The following DYTN variants were observed in gnomAD, a reference collection of about 807,000 sequenced individuals.
DYTN encodes dystrotelin.
Under a neutral mutation model 69.6 loss-of-function variants are expected in DYTN, and 75 were observed. The ratio of observed to expected loss-of-function variants is 1.08; its 90% CI spans 0.89 to 1.31. The LOEUF (loss-of-function observed/expected upper bound fraction) is 1.31, where lower values mean the gene tolerates loss of function less well. Among genes scored for constraint, DYTN ranks in the 50% most tolerant of loss-of-function variants. DYTN has a pLI of 0.00. For synonymous variants in DYTN, 252 were observed against 249.1 expected, an observed-to-expected ratio of 1.01 and a Z score of -0.11; for missense variants, 726 against 688.4, an observed-to-expected ratio of 1.05 and a Z score of -0.61.
At chr2:206,699,198 C>T (rs115656503) in intron 7 of DYTN, among the ~76,000 whole-genome samples, 3 of 152,154 alleles carry the variant, frequency 2.0e-5, no homozygotes, top group Non-Finnish European at 4.4e-5. Flanking sequence ...CTTTGGGAGG[C>T]TGAGGCAGGA....
At chr2:206,652,322 G>C (rs1175428253) in intron 11 of DYTN, among the ~76,000 whole-genome samples, 2 of 152,142 alleles carry the variant, frequency 1.3e-5, no homozygotes, top group African/African-American at 4.8e-5. Context: ...TAAGTTCCCA[G>C]GTGATACTGA....
chr2:206,705,788 C>T lies in DYTN; in HGVS notation c.382G>A (p.Ala128Thr). Residue 128 changes from alanine (A) to threonine (T), a missense_variant and splice_region_variant, in exon 4 of 12, where the codon GCT becomes ACT. Physicochemically the swap from Ala to Thr is moderately conservative, Grantham distance 58. Transcript: ENST00000452335. The stretch of plus-strand genomic sequence containing the variant: ...ACACCCGCAGTCCTCTGCATGTTAC[C>T]TCGGTATTTTGAAAGAGGGCTGTCT... ...SGDSPLSKYR[A>T]LFQLYAENSR... 6.2e-7 allele frequency: 1 copy of T among 1,613,582 alleles called. No individual in the cohort carries two copies. Among genetic ancestry groups the T allele is most frequent in the Non-Finnish European group, 8.5e-7 (1 of 1,179,778 alleles).
At chr2:206,695,759 G>T (rs1699913222) in intron 7 of DYTN, among the ~76,000 whole-genome samples, 1 of 152,174 alleles carries the variant, frequency 6.6e-6, no homozygotes, top group Admixed American at 6.5e-5. Context: ...TTCTCTAACT[G>T]CAGTGTGTGT....
At chr2:206,698,215 T>G (rs1162720832) in intron 7 of DYTN, among the ~76,000 whole-genome samples, 1 of 152,200 alleles carries the variant, frequency 6.6e-6, no homozygotes, top group East Asian at 1.9e-4. Flanking sequence ...CCTGTTCATT[T>G]ATATGTTTTA....
rs1179920970 is a variant in DYTN, at chr2:206,663,017, C to T, written c.1519G>A (p.Val507Met). 1.9e-5 allele frequency: 31 copies of T among 1,613,730 alleles called. No homozygotes were observed. Among genetic ancestry groups the T allele is most frequent in the Middle Eastern group, 3.3e-4 (2 of 6,084 alleles). The part of the protein sequence containing the change: ...AEMSSPALAA[V>M]EKKEAGNIKE... ...ATGTTACCTGCCTCTTTCTTTTCCA[C>T]GGCTGCCAGAGCAGGACTGCTCATT... The change falls in exon 11 of 12, where the codon GTG becomes ATG. Residue 507 changes from valine to methionine, a missense_variant. Val to Met is a conservative substitution (Grantham distance 21). Transcript: ENST00000452335.
At chr2:206,669,758 G>T (rs1458618139) in intron 9 of DYTN, among the ~76,000 whole-genome samples, 3 of 152,034 alleles carry the variant, frequency 2.0e-5, no homozygotes, top group Non-Finnish European at 4.4e-5. Flanking sequence ...CCATGAAAAA[G>T]ATGAAAACTA....
intron 10 of DYTN, 38 bp downstream of exon 10, chr2:206,665,832 A>T (rs761028270): frequency 6.2e-7 from 1 of 1,604,114 alleles, no homozygotes; most frequent in South Asian, 1.1e-5. Context: ...TTAGACTTCC[A>T]GGCAGTCCAG....
chr2:206,707,306 T>G lies in DYTN; in HGVS notation c.292A>C (p.Asn98His). 1 of 1,611,468 alleles carries G rather than the reference T, an allele frequency of 6.2e-7. No individual in the cohort carries two copies. Among genetic ancestry groups the G allele is most frequent in the Middle Eastern group, 1.7e-4 (1 of 6,056 alleles). ...LTLSLLTTMY[N>H]SKGTGFLQLM... is the part of the protein sequence containing the mutation. ...GCGCGACGTCCACACCCTCACCTGT[T>G]GTACATTGTCGTGAGAAGGCTCAGA... The change falls in exon 3 of 12, where the codon AAC becomes CAC. Residue 98 changes from asparagine (N) to histidine (H), a missense_variant. By Grantham distance (68) the Asn-to-His change is moderately conservative. Coordinates refer to ENST00000452335, the MANE Select transcript of DYTN (RefSeq NM_001093730.1).
intron 8 of DYTN, among the ~76,000 whole-genome samples, chr2:206,694,173 T>C (rs1477670573): frequency 6.6e-6 from 1 of 152,238 alleles, no homozygotes; most frequent in Non-Finnish European, 1.5e-5. Flanking sequence ...TGCTTTTTTC[T>C]AAAATGTACT....
chr2:206,685,164 T>TTATG (rs1699791905), intron 9 of DYTN, among the ~76,000 whole-genome samples: 1 of 151,264 alleles, frequency 6.6e-6, no homozygotes, highest in Admixed American at 6.6e-5. Flanking sequence ...ATTTATTTAT[T>TTATG]TATTTATTTA....
At chr2:206,652,053 G>T in intron 11 of DYTN, 132 bp from the exon 12 acceptor site, 1 of 735,578 alleles carries the variant, frequency 1.4e-6, no homozygotes, top group Non-Finnish European at 2.2e-6. Flanking sequence ...ATGTCCTTAA[G>T]TTAGCCAGCA....
chr2:206,713,225 CAT>C (rs1700095432), intron 1 of DYTN, among the ~76,000 whole-genome samples: 1 of 152,144 alleles, frequency 6.6e-6, no homozygotes, highest in Admixed American at 6.5e-5. Flanking sequence ...CATTATGCCA[CAT>C]ATTTATTTTT....
chr2:206,652,336 G>A (rs184523770), intron 11 of DYTN, among the ~76,000 whole-genome samples: 8 of 152,202 alleles, frequency 5.3e-5, no homozygotes, highest in East Asian at 3.9e-4. Context: ...ATACTGATGC[G>A]GCTAGTCCAG....
intron 10 of DYTN, among the ~76,000 whole-genome samples, chr2:206,665,159 A>C (rs1699556102): frequency 6.6e-6 from 1 of 152,214 alleles, no homozygotes; most frequent in Non-Finnish European, 1.5e-5. Context: ...ACATTGCAGC[A>C]GATTGATTGC....
intron 11 of DYTN, among the ~76,000 whole-genome samples, chr2:206,655,996 C>A (rs529317700): frequency 6.6e-6 from 1 of 152,168 alleles, no homozygotes; most frequent in East Asian, 1.9e-4. Flanking sequence ...GTCTCTCAGG[C>A]CTATTTGGTT....
At chr2:206,665,845 G>T in intron 10 of DYTN, 25 bp downstream of exon 10, 1 of 1,610,550 alleles carries the variant, frequency 6.2e-7, no homozygotes, top group Non-Finnish European at 8.5e-7. Flanking sequence ...CAGTCCAGAT[G>T]GCCAGTGTCC....
chr2:206,679,266 G>T (rs1185630621), intron 9 of DYTN: 1 of 152,064 alleles, frequency 6.6e-6, no homozygotes, highest in Non-Finnish European at 1.5e-5. Flanking sequence ...AGATATTGAA[G>T]GTTTTACTCA....
At chr2:206,704,727 C>T in intron 5 of DYTN, 116 bp downstream of exon 5, 2 of 838,610 alleles carry the variant, frequency 2.4e-6, no homozygotes, top group Middle Eastern at 2.3e-4. Flanking sequence ...GAGGAGAGAG[C>T]TTGCATGGAG....
chr2:206,658,704 G>A (rs945004798), intron 11 of DYTN, among the ~76,000 whole-genome samples: 2 of 152,036 alleles, frequency 1.3e-5, no homozygotes, highest in African/African-American at 4.8e-5. Context: ...CTGGGATATG[G>A]GTTTTATTTT....
Sources: gnomAD v4.1 joint callset for allele counts (sites outside exome capture counted in the v4.1 genomes callset) on GRCh38, gnomAD v4.1.1 for gene constraint, MANE v1.5 for transcripts, NCBI Gene and HGNC (gene_info 2026-07-23, HGNC 2026-07-21) for gene names.